RIIAD1: variants seen among roughly 807,000 people sequenced by gnomAD.
RIIAD1 encodes regulatory subunit of type II PKA R-subunit domain containing 1.
A neutral mutation model predicts 13.3 loss-of-function variants in RIIAD1; 15 were observed. The observed-to-expected ratio is 1.13, with a 90% CI of 0.76 to 1.74. RIIAD1 has a LOEUF of 1.74. Ranked by LOEUF, RIIAD1 falls within the 40% of genes most tolerant of loss-of-function variation. The probability of loss-of-function intolerance (pLI) is 0.00; values close to 1 mark genes in which losing one functional copy is unlikely to be tolerated. For missense variants in RIIAD1, 121 were observed against 112.2 expected, an observed-to-expected ratio of 1.08 and a Z score of -0.35; for synonymous variants, 50 against 43.3, an observed-to-expected ratio of 1.16 and a Z score of -0.61.
chr1:151,723,295 G>A (rs1275290785), intron 2 of RIIAD1, among the ~76,000 whole-genome samples: 1 of 152,212 alleles, frequency 6.6e-6, no homozygotes, highest in East Asian at 1.9e-4. Flanking sequence ...TTGAGAGGCT[G>A]AGGCAGGAGA....
At chr1:151,726,763 T>A (rs184642815) in intron 2 of RIIAD1, among the ~76,000 whole-genome samples, 4 of 152,346 alleles carry the variant, frequency 2.6e-5, no homozygotes, top group Admixed American at 2.0e-4. Flanking sequence ...AACTCTCTAG[T>A]GGCATTGGCC....
At chr1:151,724,639 C>T (rs1422293806) in intron 2 of RIIAD1, among the ~76,000 whole-genome samples, 1 of 152,194 alleles carries the variant, frequency 6.6e-6, no homozygotes, top group Non-Finnish European at 1.5e-5. Flanking sequence ...AGCCACAATT[C>T]TCCAGCCTAT....
intron 3 of RIIAD1, among the ~76,000 whole-genome samples, chr1:151,714,116 G>A (rs759682221): frequency 2.6e-5 from 4 of 152,058 alleles, no homozygotes; most frequent in Non-Finnish European, 5.9e-5. Context: ...GAAGGGAGAT[G>A]AGAGCTCAAG....
At position 151,716,012 on chromosome 1, in the gene RIIAD1, C is replaced by T. The variant is rs1169757590; in HGVS notation, c.21+1483C>T. The T allele has an allele frequency of 3.1e-6, 5 of 1,612,102 alleles. No individual in the cohort carries two copies. The Admixed American group carries it at 6.7e-5, about 22-fold the overall frequency. On this transcript the variant is annotated intron_variant, in intron 4 of 8. Transcript: ENST00000326413. ...CCACAAACAGCTTGATGGCATCCGG[C>T]TCCTTCATTGAGGCGGCCCAGGAGG...
In RIIAD1 at chr1:151,722,024, C is replaced by G. The variant is rs142274759; in HGVS notation, c.85-62C>G. 1.4e-3 allele frequency: 1,670 copies of G among 1,222,214 alleles called. 8 individuals are homozygous for G. The highest frequency in any genetic ancestry group is 0.01 in the African/African-American group (679 of 66,576). The allele number at this position is 1,222,214 out of a possible 1,614,324, so 75.7% of individuals were successfully genotyped here. ...CGCCGTTTCCCGCAGCCCTTCACAT[C>G]TCCAGGGCTGAACCCTGAATCTGTC... On this transcript the variant is annotated intron_variant, in intron 1 of 4. Transcript: ENST00000479191.
At chr1:151,726,181 C>CT (rs1483453402) in intron 2 of RIIAD1, among the ~76,000 whole-genome samples, 4 of 152,200 alleles carry the variant, frequency 2.6e-5, no homozygotes, top group African/African-American at 9.6e-5. Flanking sequence ...CAAATGCCAG[C>CT]TGCTCTGTGA....
chr1:151,719,162 G>T (rs1209248134), upstream of RIIAD1, among the ~76,000 whole-genome samples: 2 of 152,210 alleles, frequency 1.3e-5, no homozygotes, highest in Non-Finnish European at 2.9e-5. Flanking sequence ...TCTGAGAGAA[G>T]AGGCAGGGTT....
At chr1:151,722,048 T>G in intron 1 of RIIAD1, 38 bp from the exon 2 acceptor site, 2 of 1,414,800 alleles carry the variant, frequency 1.4e-6, no homozygotes, top group Non-Finnish European at 2.0e-6. Flanking sequence ...CCTGAATCTG[T>G]CTCCTAATGG....
intron 4 of RIIAD1, chr1:151,715,522 GCACA>G: frequency 3.2e-5 from 26 of 803,838 alleles, no homozygotes; most frequent in Middle Eastern, 2.7e-4. Context: ...TGCTGCACAC[GCACA>G]CACACACACA....
chr1:151,726,101 T>C (rs756360646), intron 2 of RIIAD1, among the ~76,000 whole-genome samples: 12 of 152,158 alleles, frequency 7.9e-5, no homozygotes, highest in Non-Finnish European at 1.8e-4. Context: ...TTTCCCTGGA[T>C]CTGGAATGTT....
intron 1 of RIIAD1, 115 bp downstream of exon 1, chr1:151,721,735 A>T (rs1253701384): frequency 8.4e-6 from 5 of 591,778 alleles, no homozygotes; most frequent in Middle Eastern, 4.9e-4. Flanking sequence ...CTGTTCCCTG[A>T]TAAAGTGGGG....
upstream of RIIAD1, chr1:151,721,407 C>T (rs1029367602): frequency 4.8e-5 from 21 of 440,780 alleles, no homozygotes; most frequent in African/African-American, 3.5e-4. Flanking sequence ...GCCCCCGCCC[C>T]GGAGCTCACC....
intron 2 of RIIAD1, among the ~76,000 whole-genome samples, chr1:151,712,375 C>A (rs566019315): frequency 6.6e-6 from 1 of 152,352 alleles, no homozygotes; most frequent in South Asian, 2.1e-4. Flanking sequence ...AAATCTAATT[C>A]TTTTGAGGGT....
chr1:151,717,861 C>T (rs1673604273), upstream of RIIAD1, among the ~76,000 whole-genome samples: 1 of 152,174 alleles, frequency 6.6e-6, no homozygotes, highest in South Asian at 2.1e-4. Context: ...TTGGCAGGCT[C>T]CACGATCTGG....
upstream of RIIAD1, among the ~76,000 whole-genome samples, chr1:151,720,570 C>G (rs537621246): frequency 7.8e-4 from 119 of 152,356 alleles, no homozygotes; most frequent in African/African-American, 2.7e-3. Context: ...CTGGAAAGGA[C>G]AGAAGCAGAC....
chr1:151,727,348 G>A (rs1195835564), intron 2 of RIIAD1, among the ~76,000 whole-genome samples: 5 of 152,202 alleles, frequency 3.3e-5, no homozygotes, highest in Non-Finnish European at 7.3e-5. Flanking sequence ...CTCGACGTAA[G>A]CAATATCCTA....
At position 151,721,588 on chromosome 1, in the gene RIIAD1, G is replaced by C; in HGVS notation, c.52G>C (p.Ala18Pro). Residue 18 changes from alanine to proline, a missense_variant, in exon 1 of 5, where the codon GCA becomes CCA. Ala to Pro is a conservative substitution (Grantham distance 27). Coordinates refer to ENST00000479191, the MANE Select transcript of RIIAD1 (RefSeq NM_001144956.3). Reference protein sequence around the residue: ...LQRPDPGALSAAQLEQLRKFK... With the variant: ...LQRPDPGALSPAQLEQLRKFK... ...GCGGCCCGACCCCGGGGCGCTTAGC[G>C]CAGCGCAGCTGGAGCAGCTGCGAAA... 1 of 1,311,760 alleles carries C rather than the reference G, an allele frequency of 7.6e-7. No homozygotes were observed. Among genetic ancestry groups the C allele is most frequent in the South Asian group, 2.0e-5 (1 of 49,616 alleles). 81.3% of individuals were successfully genotyped at this position (1,311,760 alleles called of 1,614,324 possible).
chr1:151,728,309 G>A (rs940922439), intron 3 of RIIAD1: 2 of 179,140 alleles, frequency 1.1e-5, no homozygotes, highest in East Asian at 1.5e-4. Context: ...CAGAGAAGGC[G>A]TGATAGCTCA....
intron 2 of RIIAD1, among the ~76,000 whole-genome samples, chr1:151,724,716 G>A (rs1490472079): frequency 6.6e-6 from 1 of 152,178 alleles, no homozygotes; most frequent in Non-Finnish European, 1.5e-5. Flanking sequence ...GGAAAGAGTA[G>A]GAATCTGACT....
Sources: allele counts gnomAD v4.1 joint callset (sites outside exome capture counted in the v4.1 genomes callset), GRCh38; gene constraint gnomAD v4.1.1; transcripts MANE v1.5; gene names NCBI Gene and HGNC (gene_info 2026-07-23, HGNC 2026-07-21).